The following HTR2C variants were observed in gnomAD, a reference collection of about 807,000 sequenced individuals.
HTR2C encodes 5-hydroxytryptamine (serotonin) receptor 2C, G protein-coupled.
In HTR2C, 5 loss-of-function variants were observed where a neutral mutation model predicts 21.0. That is an observed-to-expected ratio of 0.24 (90% CI 0.12 to 0.50). HTR2C has a LOEUF of 0.50. Ranked by LOEUF, HTR2C falls within the 20% of genes least tolerant of loss-of-function variation. The pLI is 0.98. For synonymous variants in HTR2C, 150 were observed against 145.3 expected (o/e 1.03, Z -0.23); for missense variants, 271 against 371.2 (o/e 0.73, Z 2.22).
chrX:114,851,237 T>A, intron 5 of HTR2C, among the ~76,000 whole-genome samples: 1 of 111,856 alleles, frequency 8.9e-6, no homozygotes, highest in South Asian at 3.7e-4. Flanking sequence ...CACTGACAAG[T>A]GAAGAATACA....
intron 1 of HTR2C, among the ~76,000 whole-genome samples, chrX:114,610,231 T>C (rs1392385474): frequency 8.9e-6 from 1 of 111,778 alleles, no homozygotes; most frequent in East Asian, 2.8e-4. Flanking sequence ...GACTGACTAC[T>C]GGCATTTTAA....
At chrX:114,759,373 A>G (rs1451559849) in intron 4 of HTR2C, among the ~76,000 whole-genome samples, 2 of 111,252 alleles carry the variant, frequency 1.8e-5, no homozygotes, top group Non-Finnish European at 3.8e-5. Context: ...CTAGATCTTC[A>G]TTTATTCCTT....
chrX:114,649,357 T>C (rs782140360), intron 2 of HTR2C, among the ~76,000 whole-genome samples: 1 of 112,060 alleles, frequency 8.9e-6, no homozygotes, highest in Non-Finnish European at 1.9e-5. Flanking sequence ...TTTTTCTTGA[T>C]GATTAATTAT....
intron 4 of HTR2C, among the ~76,000 whole-genome samples, chrX:114,767,448 A>G (rs782320876): frequency 9.0e-6 from 1 of 110,686 alleles, no homozygotes; most frequent in Non-Finnish European, 1.9e-5. Flanking sequence ...TTTGATATTC[A>G]TTAAGCACTT....
chrX:114,867,053 T>G (rs782144949), intron 5 of HTR2C, among the ~76,000 whole-genome samples: 7 of 111,660 alleles, frequency 6.3e-5, no homozygotes, highest in Non-Finnish European at 1.1e-4. Context: ...GGTAACTCAA[T>G]TTTTAGTTTT....
At chrX:114,687,448 G>A (rs1247281767) in intron 2 of HTR2C, among the ~76,000 whole-genome samples, 1 of 111,862 alleles carries the variant, frequency 8.9e-6, no homozygotes, top group Non-Finnish European at 1.9e-5. Context: ...AATTTCACGT[G>A]TGTCATATCT....
chrX:114,850,622 C>A (rs1394015270), intron 5 of HTR2C, among the ~76,000 whole-genome samples: 1 of 110,853 alleles, frequency 9.0e-6, no homozygotes, highest in African/African-American at 3.3e-5. Context: ...GAGCTATGAT[C>A]GTGCTATGAC....
chrX:114,601,798 G>A (rs1290059399), intron 1 of HTR2C, among the ~76,000 whole-genome samples: 1 of 104,091 alleles, frequency 9.6e-6, no homozygotes, highest in Non-Finnish European at 2.0e-5. Flanking sequence ...AATTTTGGGG[G>A]GGTGGTATGG....
At chrX:114,855,740 A>G (rs1275130846) in intron 5 of HTR2C, among the ~76,000 whole-genome samples, 1 of 75,127 alleles carries the variant, frequency 1.3e-5, no homozygotes, top group Non-Finnish European at 2.4e-5. Context: ...TTCTCAAAGC[A>G]ACCATCTTTT....
chrX:114,675,564 C>T (rs1556412396), intron 2 of HTR2C, among the ~76,000 whole-genome samples: 2 of 112,092 alleles, frequency 1.8e-5, no homozygotes, highest in Non-Finnish European at 3.8e-5. Context: ...CTAACATTAG[C>T]TTGTTGAAAG....
At chrX:114,627,775 A>C (rs1465697447) in intron 2 of HTR2C, among the ~76,000 whole-genome samples, 2 of 112,108 alleles carry the variant, frequency 1.8e-5, no homozygotes, top group Non-Finnish European at 3.8e-5. Flanking sequence ...TTTTTTCACA[A>C]GGATATAGTA....
intron 1 of HTR2C, among the ~76,000 whole-genome samples, chrX:114,608,960 C>T (rs1556397964): frequency 9.0e-6 from 1 of 111,716 alleles, no homozygotes; most frequent in Non-Finnish European, 1.9e-5. Context: ...TTGAAGTGTG[C>T]CATCTGTTTC....
At chrX:114,773,632 T>C (rs1556437776) in intron 4 of HTR2C, among the ~76,000 whole-genome samples, 1 of 112,179 alleles carries the variant, frequency 8.9e-6, no homozygotes, top group Non-Finnish European at 1.9e-5. Context: ...AACAATATGA[T>C]GCATTTATTC....
intron 1 of HTR2C, among the ~76,000 whole-genome samples, chrX:114,605,245 A>C (rs782530304): frequency 1.8e-5 from 2 of 112,580 alleles, no homozygotes; most frequent in East Asian, 2.8e-4. Context: ...TAGTCATGGA[A>C]CGAAACTGTA....
intron 4 of HTR2C, among the ~76,000 whole-genome samples, chrX:114,763,847 T>C (rs1468278777): frequency 9.0e-6 from 1 of 111,641 alleles, no homozygotes; most frequent in Non-Finnish European, 1.9e-5. Flanking sequence ...GGGTTTGAAA[T>C]GTCTTCTCCC....
rs868970581 is a variant in HTR2C at position 114,806,478 on chromosome X, T to A, written c.350-41525T>A. ...ATATATATACACCATATATATATAC[T>A]GTATATATATACACCATATATATAC... is the stretch of plus-strand genomic sequence containing the variant. On this transcript the variant is annotated intron_variant, in intron 4 of 5. Transcript: ENST00000276198. 0.01 allele frequency among the ~76,000 whole-genome samples: 42 copies of A among 4,181 alleles called. 6 individuals are homozygous for A. The East Asian group carries it at 0.37, about 37-fold the overall frequency. 3.6% of individuals were successfully genotyped at this position (4,181 alleles called of 115,157 possible). A position where few individuals can be genotyped will look rare whatever the true frequency, so the allele number is the denominator to read the frequency against.
At chrX:114,711,115 CTA>C (rs1426419059) in intron 2 of HTR2C, among the ~76,000 whole-genome samples, 2 of 111,814 alleles carry the variant, frequency 1.8e-5, no homozygotes, top group African/African-American at 3.2e-5. Flanking sequence ...GCCAATTCTT[CTA>C]TCTTTGGCTT....
intron 2 of HTR2C, among the ~76,000 whole-genome samples, chrX:114,678,259 CCTCT>C (rs1556413046): frequency 9.8e-5 from 6 of 61,244 alleles, no homozygotes; most frequent in African/African-American, 4.2e-4. Context: ...TTTCTCTTTC[CCTCT>C]CTGTCTGACA....
chrX:114,775,711 T>C, intron 4 of HTR2C: 1 of 618,486 alleles, frequency 1.6e-6, no homozygotes, highest in Non-Finnish European at 2.5e-6. Context: ...TATTCAGTTC[T>C]TTTCTATTGA....
Sources: gnomAD v4.1 joint callset for allele counts (sites outside exome capture counted in the v4.1 genomes callset) on GRCh38, gnomAD v4.1.1 for gene constraint, MANE v1.5 for transcripts, NCBI Gene and HGNC (gene_info 2026-07-23, HGNC 2026-07-21) for gene names.